Variants in SCAP observed in about 807,000 individuals in gnomAD.
SCAP encodes sterol regulatory element-binding protein cleavage-activating protein.
A neutral mutation model predicts 123.6 loss-of-function variants in SCAP; 65 were observed. The ratio of observed to expected loss-of-function variants is 0.53; its 90% CI spans 0.43 to 0.65. The LOEUF (loss-of-function observed/expected upper bound fraction) is 0.65, where lower values mean the gene tolerates loss of function less well. SCAP is among the 30% of genes least tolerant of loss of function. The pLI, the probability that SCAP is intolerant of heterozygous loss-of-function variation, is 0.00. For missense variants in SCAP, 1,398 were observed against 1,712.5 expected, an observed-to-expected ratio of 0.82 and a Z score of 3.24; for synonymous variants, 740 against 726.3, an observed-to-expected ratio of 1.02 and a Z score of -0.30.
At chr3:47,443,971 A>G (rs1050140619) in intron 1 of SCAP, among the ~76,000 whole-genome samples, 2 of 152,200 alleles carry the variant, frequency 1.3e-5, no homozygotes, top group African/African-American at 4.8e-5. Context: ...CCTGCTCCCA[A>G]GATCCCCAGG....
chr3:47,414,205 C>G lies in SCAP; in HGVS notation c.3569G>C (p.Gly1190Ala). ...DLISIWDRST[G>A]IKFYSIQQDL... ...CTGCTGAATGGAGTAGAACTTGATGCCTGTGCTGCGGTCCCAGATGCTGAT... is the reference window on the plus strand; with the variant it reads ...CTGCTGAATGGAGTAGAACTTGATGGCTGTGCTGCGGTCCCAGATGCTGAT... Residue 1190 changes from glycine to alanine, a missense_variant, in exon 22 of 23, where the codon GGC (glycine) becomes GCC (alanine). Transcript: ENST00000265565. 6.2e-7 allele frequency: 1 copy of G among 1,613,728 alleles called. No individual in the cohort carries two copies. The highest frequency in any genetic ancestry group is 8.5e-7 in the Non-Finnish European group (1 of 1,180,024).
intron 1 of SCAP, among the ~76,000 whole-genome samples, chr3:47,458,913 C>A (rs1406977699): frequency 6.6e-6 from 1 of 152,244 alleles, no homozygotes; most frequent in East Asian, 1.9e-4. Context: ...TCAAGCGATT[C>A]TCTTGCCTCA....
At chr3:47,428,822 G>A in intron 3 of SCAP, 152 bp from the exon 4 acceptor site, 1 of 756,498 alleles carries the variant, frequency 1.3e-6, no homozygotes, top group Non-Finnish European at 2.0e-6. Flanking sequence ...TTGCAGGATG[G>A]CAGATAAGAA....
intron 1 of SCAP, among the ~76,000 whole-genome samples, chr3:47,452,275 G>A (rs1427707051): frequency 6.6e-6 from 1 of 152,084 alleles, no homozygotes; most frequent in East Asian, 1.9e-4. Context: ...TATAATCCCG[G>A]CTACTCAGGA....
At position 47,419,995 on chromosome 3, in the gene SCAP, C is replaced by T. The variant is rs1472940470; in HGVS notation, c.1564-291G>A. Among the ~76,000 whole-genome samples the T allele has an allele frequency of 6.6e-6, 1 of 152,194 alleles. No individual in the cohort carries two copies. The highest frequency in any genetic ancestry group is 6.5e-5 in the Admixed American group (1 of 15,282). ...GACACAGAATGTCCCCACCCCTAAG[C>T]TCCACCTCAGCTGGAGCCAGAAAGC... On this transcript the variant is annotated intron_variant, in intron 12 of 22. Transcript: ENST00000265565. This position sits in a 1 kb window ranked among gnomAD's most constrained non-coding sequence, Gnocchi z 5.0.
At chr3:47,468,023 T>C (rs1475892295) in intron 1 of SCAP, among the ~76,000 whole-genome samples, 1 of 152,198 alleles carries the variant, frequency 6.6e-6, no homozygotes, top group Non-Finnish European at 1.5e-5. Flanking sequence ...TCCAGCTTCA[T>C]CCATGTACCT....
Position 47,417,701 on chromosome 3 carries a change from G to A in SCAP, c.2573C>T (p.Pro858Leu), listed in dbSNP as rs1348391954. Residue 858 changes from proline to leucine, a missense_variant, in exon 17 of 23, where the codon CCC (proline) becomes CTC (leucine). Around this residue, in one of 7 missense-constraint regions of SCAP, gnomAD observed 828 missense variants for 882.5 expected, o/e 0.94. Transcript: ENST00000265565. Reference protein sequence around the residue: ...PGDSPPLRHRPRGPPPPSLFG... With the variant: ...PGDSPPLRHRLRGPPPPSLFG... ...GAGGGAAGGCGGCGGAGGGCCCCGG[G>A]GGCGGTGTCTCAGGGGAGGGCTGTC... 5 of 1,608,736 alleles carry A rather than the reference G, an allele frequency of 3.1e-6. No homozygotes were observed. Among genetic ancestry groups the A allele is most frequent in the African/African-American group, 1.4e-5 (1 of 73,858 alleles).
chr3:47,468,323 T>G (rs1044256591), intron 1 of SCAP, among the ~76,000 whole-genome samples: 21 of 152,328 alleles, frequency 1.4e-4, no homozygotes, highest in South Asian at 8.3e-4. Context: ...TGAACTAGTT[T>G]ACAGTCCCAC....
At chr3:47,445,930 C>T (rs1355624579) in intron 1 of SCAP, among the ~76,000 whole-genome samples, 2 of 143,980 alleles carry the variant, frequency 1.4e-5, no homozygotes, top group East Asian at 2.0e-4. Context: ...GGCTGGAGTG[C>T]GGTGGTGCGA....
At position 47,415,175 on chromosome 3, in the gene SCAP, A is replaced by G. The variant is rs1411660755; in HGVS notation, c.3062T>C (p.Val1021Ala). The G allele has an allele frequency of 6.2e-7, 1 of 1,610,736 alleles. No individual in the cohort carries two copies. The highest frequency in any genetic ancestry group is 1.7e-5 in the Admixed American group (1 of 59,512). The change falls in exon 19 of 23, where the codon GTG becomes GCG. Residue 1021 changes from valine to alanine, a missense_variant. By Grantham distance (64) the Val-to-Ala change is moderately conservative. Around this residue, in one of 7 missense-constraint regions of SCAP, gnomAD observed 828 missense variants for 882.5 expected, o/e 0.94. Transcript: ENST00000265565. Reference sequence around the variant, plus strand: ...AAGGGAACCGTTGAGCCGTGCAGCCACAATCCTGGAAGAGAAGAACAGCTG... The same window carrying G: ...AAGGGAACCGTTGAGCCGTGCAGCCGCAATCCTGGAAGAGAAGAACAGCTG... ...TALVFLDKRI[V>A]AARLNGSLDF... is the part of the protein sequence containing the mutation.
Position 47,419,592 on chromosome 3 carries a change from G to A in SCAP, c.1676C>T (p.Ala559Val). 1 of 1,607,816 alleles carries A rather than the reference G, an allele frequency of 6.2e-7. No individual in the cohort carries two copies. The highest frequency in any genetic ancestry group is 8.5e-7 in the Non-Finnish European group (1 of 1,176,356). ...CATGCCACTAGGCACGGGCATGGGA[G>A]CCAGGGCTCCCTCACCCAATGGGCT... ...EQSPLGEGALAPMPVPSGMLP... is the reference protein window; with the variant it reads ...EQSPLGEGALVPMPVPSGMLP... The change falls in exon 13 of 23, where the codon GCT (alanine) becomes GTT (valine). Residue 559 changes from alanine (A) to valine (V), a missense_variant. Ala to Val is a moderately conservative substitution (Grantham distance 64). Transcript: ENST00000265565. This position sits in a 1 kb window ranked among gnomAD's most constrained non-coding sequence, Gnocchi z 5.0.
chr3:47,464,372 TTG>T (rs2108006815), intron 1 of SCAP, among the ~76,000 whole-genome samples: 1 of 152,072 alleles, frequency 6.6e-6, no homozygotes, highest in African/African-American at 2.4e-5. Flanking sequence ...TGGGACTGAT[TTG>T]TGTTTTTTTT....
intron 1 of SCAP, among the ~76,000 whole-genome samples, chr3:47,474,463 C>T (rs1708191432): frequency 6.6e-6 from 1 of 151,904 alleles, no homozygotes; most frequent in South Asian, 2.1e-4. Flanking sequence ...ATGTGTAAAA[C>T]ACCTAAAATG....
At chr3:47,424,378 G>T (rs1354139467) in intron 8 of SCAP, among the ~76,000 whole-genome samples, 1 of 152,222 alleles carries the variant, frequency 6.6e-6, no homozygotes, top group Non-Finnish European at 1.5e-5. Flanking sequence ...CCCAGGAGAA[G>T]ACTGCTGGCT....
rs757884343 is a variant in SCAP, at chr3:47,418,536, C to T, written c.2130-14G>A. On this transcript the variant is annotated splice_polypyrimidine_tract_variant and intron_variant, in intron 14 of 22. Coordinates refer to ENST00000265565, the MANE Select transcript of SCAP (RefSeq NM_012235.4). ...AGCGCCGCCACCCTGCACGGGAGGG[C>T]GGACTGCTGTGAGACACACCTCACA... is the stretch of plus-strand genomic sequence containing the variant. 115 of 1,577,388 alleles carry T rather than the reference C, an allele frequency of 7.3e-5. No individual in the cohort carries two copies. The highest frequency in any genetic ancestry group is 1.7e-4 in the Middle Eastern group (1 of 6,032).
Position 47,420,723 on chromosome 3 carries a change from G to A in SCAP, c.1394C>T (p.Ala465Val), listed in dbSNP as rs1197986718. 1.9e-6 allele frequency: 3 copies of A among 1,611,060 alleles called. No homozygotes were observed. Among genetic ancestry groups the A allele is most frequent in the East Asian group, 4.5e-5 (2 of 44,888 alleles). Residue 465 changes from alanine (A) to valine (V), a missense_variant, in exon 12 of 23, where the codon GCC (alanine) becomes GTC (valine). Ala to Val is a moderately conservative substitution (Grantham distance 64). This residue lies in a region of SCAP where 828 missense variants were observed against 882.5 expected (regional missense o/e 0.94). Coordinates refer to ENST00000265565, the MANE Select transcript of SCAP (RefSeq NM_012235.4). This position sits in a 1 kb window ranked among gnomAD's most constrained non-coding sequence, Gnocchi z 5.0. ...GCGCGTTGGCTGTCCCACTGGCTTG[G>A]CTGAGGGCAGGCAGGCCTCAGGGGG... ...RLPPEACLPS[A>V]KPVGQPTRYE...
intron 1 of SCAP, among the ~76,000 whole-genome samples, chr3:47,453,854 CA>C (rs1012481656): frequency 4.6e-5 from 7 of 152,064 alleles, no homozygotes; most frequent in Non-Finnish European, 1.5e-5. Flanking sequence ...CCTATCTTCC[CA>C]CTCTAATTTC....
chr3:47,447,225 C>A (rs1298017795), intron 1 of SCAP, among the ~76,000 whole-genome samples: 1 of 151,844 alleles, frequency 6.6e-6, no homozygotes, highest in African/African-American at 2.4e-5. Flanking sequence ...CACAGTGAAG[C>A]CCCTTCTCTA....
intron 3 of SCAP, among the ~76,000 whole-genome samples, chr3:47,430,676 A>C (rs1376592567): frequency 6.6e-6 from 1 of 152,212 alleles, no homozygotes; most frequent in East Asian, 1.9e-4. Context: ...GTGAAGGGGC[A>C]ACCTGATGAA....
Sources: gnomAD v4.1 joint callset for allele counts (sites outside exome capture counted in the v4.1 genomes callset) on GRCh38, gnomAD v4.1.1 for gene constraint, gnomAD v4.1.1 regional missense constraint, Gnocchi (gnomAD v3.1) non-coding constraint, MANE v1.5 for transcripts, NCBI Gene and HGNC (gene_info 2026-07-23, HGNC 2026-07-21) for gene names.